ARVCF: variants seen among roughly 807,000 people sequenced by gnomAD.
The protein encoded by ARVCF is ARVCF delta catenin family member, also known as splicing regulator ARVCF.
ARVCF carries 66 observed loss-of-function variants against 90.9 expected under a neutral mutation model. The observed-to-expected ratio is 0.73, with a 90% CI of 0.60 to 0.89. ARVCF has a LOEUF of 0.89. ARVCF is among the 40% of genes least tolerant of loss of function. ARVCF has a pLI of 0.00. For missense variants in ARVCF, 1,469 were observed against 1,382.3 expected, an observed-to-expected ratio of 1.06 and a Z score of -1.00; for synonymous variants, 653 against 603.4, an observed-to-expected ratio of 1.08 and a Z score of -1.21.
chr22:20,007,307 CAGG>C (rs1316553681), intron 2 of ARVCF, among the ~76,000 whole-genome samples: 1 of 152,144 alleles, frequency 6.6e-6, no homozygotes, highest in Non-Finnish European at 1.5e-5. Flanking sequence ...GAGGTTGAGG[CAGG>C]AGAATTGCTT....
In ARVCF at chr22:19,970,628, G is replaced by C; in HGVS notation, c.*128C>G. 7.8e-7 allele frequency: 1 copy of C among 1,276,260 alleles called. No individual in the cohort carries two copies. Among genetic ancestry groups the C allele is most frequent in the South Asian group, 1.3e-5 (1 of 79,344 alleles). The allele number at this position is 1,276,260 out of a possible 1,614,324, so 79.1% of individuals were successfully genotyped here. A position where few individuals can be genotyped will look rare whatever the true frequency, so the allele number is the denominator to read the frequency against. ...TGTCCCCAAAGTCAGGCTTGGCTGGGGCGAGGCGCTGCCAACCCCTGCCGC... is the reference window on the plus strand; with the variant it reads ...TGTCCCCAAAGTCAGGCTTGGCTGGCGCGAGGCGCTGCCAACCCCTGCCGC... On this transcript the variant is annotated 3_prime_UTR_variant, in exon 20 of 20. Coordinates refer to ENST00000263207, the MANE Select transcript of ARVCF (RefSeq NM_001670.3).
chr22:19,973,245 A>C lies in ARVCF; in HGVS notation c.2312T>G (p.Leu771Arg), dbSNP rs777535564. 1 of 1,610,644 alleles carries C rather than the reference A, an allele frequency of 6.2e-7. No homozygotes were observed. Among genetic ancestry groups the C allele is most frequent in the Non-Finnish European group, 8.5e-7 (1 of 1,179,238 alleles). Reference protein sequence around the residue: ...AQAPPRPGACLEEDTVVAVLN... With the variant: ...AQAPPRPGACREEDTVVAVLN... ...CACCGCCACCACGGTGTCTTCCTCC[A>C]GGCAGGCCCCCGGTCGCGGCGGAGC... Residue 771 changes from leucine (L) to arginine (R), a missense_variant, in exon 14 of 20, where the codon CTG becomes CGG. Physicochemically the swap from Leu to Arg is moderately radical, Grantham distance 102 (BLOSUM62 -2). Coordinates refer to ENST00000263207, the MANE Select transcript of ARVCF (RefSeq NM_001670.3).
chr22:19,988,243 T>C, intron 3 of ARVCF, among the ~76,000 whole-genome samples: 1 of 152,076 alleles, frequency 6.6e-6, no homozygotes, highest in East Asian at 1.9e-4. Context: ...GAGCCTCAGT[T>C]CCCCCACCTG....
In ARVCF at chr22:19,981,508, C is replaced by A; in HGVS notation, c.599G>T (p.Ser200Ile). The A allele has an allele frequency of 6.4e-7, 1 of 1,564,712 alleles. No homozygotes were observed. The highest frequency in any genetic ancestry group is 1.2e-5 in the South Asian group (1 of 85,336). ...CAGCCCTCGGGACAGGCTGCCATAG[C>A]TGGGGCTGTCCCGGGGCTCGGGGCC... ...PEGPEPRDSP[S>I]YGSLSRGLGM... is the part of the protein sequence containing the mutation. The change falls in exon 5 of 20, where the codon AGC (serine) becomes ATC (isoleucine). Residue 200 changes from serine to isoleucine, a missense_variant. Ser to Ile is a moderately radical substitution (Grantham distance 142). Coordinates refer to ENST00000263207, the MANE Select transcript of ARVCF (RefSeq NM_001670.3).
downstream of ARVCF, chr22:19,967,635 G>A (rs1478157768): frequency 6.4e-6 from 2 of 313,096 alleles, no homozygotes; most frequent in Non-Finnish European, 1.3e-5. Context: ...TGTGGGGTCG[G>A]ATACCAGTGT....
At chr22:20,014,046 T>C (rs541094329) in intron 1 of ARVCF, among the ~76,000 whole-genome samples, 37 of 150,478 alleles carry the variant, frequency 2.5e-4, no homozygotes, top group African/African-American at 9.0e-4. Flanking sequence ...CTAATTTGTT[T>C]TGTATTTTTA....
At chr22:19,972,454 G>C (rs751949219) in intron 16 of ARVCF, 43 bp from the exon 17 acceptor site, 3 of 1,611,048 alleles carry the variant, frequency 1.9e-6, no homozygotes, top group East Asian at 2.2e-5. Flanking sequence ...TGGCAGCCAG[G>C]GGGGATCGGG....
At chr22:19,985,704 G>A (rs115458489) in intron 3 of ARVCF, among the ~76,000 whole-genome samples, 2,018 of 136,046 alleles carry the variant, frequency 0.015, 54 homozygotes, top group African/African-American at 0.056. Flanking sequence ...CCAAACCACC[G>A]GACTTCACAG....
chr22:19,999,966 G>C (rs1036358689), intron 2 of ARVCF, among the ~76,000 whole-genome samples: 3 of 152,182 alleles, frequency 2.0e-5, no homozygotes, highest in African/African-American at 7.2e-5. Context: ...CCCTGCACTG[G>C]AAGGGGCAGA....
At position 19,971,907 on chromosome 22, in the gene ARVCF, G is replaced by A. The variant is rs748409278; in HGVS notation, c.2760C>T (p.Ala920=). ...RPRGASSAGE[A]SEKEPLKLDP... ...TTACTTTCAAGGGTTCCTTCTCAGAGGCCTCTCCTGCAGAGCTGGCGCCCC... is the reference window on the plus strand; with the variant it reads ...TTACTTTCAAGGGTTCCTTCTCAGAAGCCTCTCCTGCAGAGCTGGCGCCCC... The change falls in exon 18 of 20, where the codon GCC becomes GCT. Residue 920 remains alanine, a synonymous_variant. Transcript: ENST00000263207. 6.5e-5 allele frequency: 105 copies of A among 1,613,200 alleles called. No individual in the cohort carries two copies. The highest frequency in any genetic ancestry group is 1.7e-4 in the African/African-American group (13 of 74,924).
chr22:19,990,514 G>T (rs1360074218), intron 3 of ARVCF, 71 bp downstream of exon 3: 4 of 1,493,334 alleles, frequency 2.7e-6, no homozygotes, highest in Non-Finnish European at 3.6e-6. Context: ...GCTGGCTTGT[G>T]GTCCACCAGG....
intron 17 of ARVCF, 62 bp from the exon 18 acceptor site, chr22:19,972,033 C>A (rs1012746830): frequency 6.9e-7 from 1 of 1,454,186 alleles, no homozygotes. Flanking sequence ...AGGAGCAGAT[C>A]TCCCTCTCAG....
chr22:20,001,904 A>G (rs1601665252), intron 2 of ARVCF, among the ~76,000 whole-genome samples: 2 of 152,268 alleles, frequency 1.3e-5, no homozygotes, highest in East Asian at 1.9e-4. Context: ...GAAAACACGC[A>G]GTGTGAGGCT....
downstream of ARVCF, chr22:19,968,902 G>A (rs531680429): frequency 1.9e-5 from 12 of 638,896 alleles, no homozygotes; most frequent in African/African-American, 2.2e-4. Flanking sequence ...CTGCAACACT[G>A]GATTGTTCTT....
chr22:20,007,560 T>G lies in ARVCF; in HGVS notation c.-19+2895A>C, dbSNP rs533727986. Among the ~76,000 whole-genome samples the G allele has an allele frequency of 2.0e-3, 312 of 152,314 alleles. 1 individual carries two copies. The highest frequency in any genetic ancestry group is 3.7e-3 in the Non-Finnish European group (254 of 68,028). On this transcript the variant is annotated intron_variant, in intron 2 of 19. Transcript: ENST00000263207. ...GGAAACTTAATTCCCAACGCAACAG[T>G]GTTGAAGGTAGGACCTCTAAGAGGT... is the stretch of plus-strand genomic sequence containing the variant.
chr22:19,979,620 C>G (rs1943365171), intron 6 of ARVCF, 123 bp downstream of exon 6: 4 of 1,390,776 alleles, frequency 2.9e-6, no homozygotes, highest in South Asian at 1.5e-5. Flanking sequence ...GTCTCAGCAG[C>G]TGCACTCCTG....
At chr22:19,974,056 G>A (rs1049645386) in intron 12 of ARVCF, 56 bp downstream of exon 12, 19 of 1,561,954 alleles carry the variant, frequency 1.2e-5, no homozygotes, top group East Asian at 2.3e-5. Context: ...CACCAGTGAG[G>A]TGCCTGGGAT....
At chr22:19,978,857 T>C (rs1326346951) in intron 7 of ARVCF, 40 bp downstream of exon 7, 2 of 1,582,174 alleles carry the variant, frequency 1.3e-6, no homozygotes, top group South Asian at 1.1e-5. Context: ...GGACGGGGCC[T>C]GGTGTGCATG....
At chr22:19,967,608 G>A, downstream of ARVCF, 1 of 348,260 alleles carries the variant, frequency 2.9e-6, no homozygotes, top group Non-Finnish European at 5.6e-6. Context: ...GGACTCTCCA[G>A]GCCCATCCCA....
Sources: gnomAD v4.1 joint callset for allele counts (sites outside exome capture counted in the v4.1 genomes callset) on GRCh38, gnomAD v4.1.1 for gene constraint, MANE v1.5 for transcripts, NCBI Gene and HGNC (gene_info 2026-07-23, HGNC 2026-07-21) for gene names.